The following NGEF variants were observed in gnomAD, a reference collection of about 807,000 sequenced individuals.
NGEF encodes neuronal guanine nucleotide exchange factor, also known as ephexin-1.
NGEF carries 31 observed loss-of-function variants against 80.9 expected under a neutral mutation model. The observed-to-expected ratio is 0.38, with a 90% CI of 0.29 to 0.52. The LOEUF (loss-of-function observed/expected upper bound fraction) is 0.52. NGEF is among the 20% of genes least tolerant of loss of function. The pLI is 0.84. For synonymous variants in NGEF, 371 were observed against 370.2 expected, an observed-to-expected ratio of 1.00 and a Z score of -0.03; for missense variants, 709 against 926.2, an observed-to-expected ratio of 0.77 and a Z score of 3.04.
intron 3 of NGEF, among the ~76,000 whole-genome samples, chr2:232,957,578 C>T (rs1368944941): frequency 6.6e-6 from 1 of 152,228 alleles, no homozygotes; most frequent in Non-Finnish European, 1.5e-5. Flanking sequence ...CCGCCTCGGT[C>T]TCCCAAAGTG....
At chr2:232,882,294 A>G (rs780660743) in intron 12 of NGEF, 29 bp from the exon 13 acceptor site, 17 of 1,597,996 alleles carry the variant, frequency 1.1e-5, no homozygotes, top group Non-Finnish European at 1.3e-5. Context: ...CAGTGCCCCA[A>G]CTGCAGATCA....
At chr2:232,959,771 G>A (rs1199423998) in intron 3 of NGEF, among the ~76,000 whole-genome samples, 1 of 152,090 alleles carries the variant, frequency 6.6e-6, no homozygotes, top group African/African-American at 2.4e-5. Flanking sequence ...TAGAGAAGGG[G>A]TTTCTCCATG....
intron 1 of NGEF, among the ~76,000 whole-genome samples, chr2:232,994,906 TACAC>T (rs1694745754): frequency 2.0e-5 from 3 of 146,882 alleles, no homozygotes; most frequent in Admixed American, 1.4e-4. Context: ...AATACATACA[TACAC>T]ATGTATTATA....
At chr2:232,978,823 T>C (rs929881949) in intron 1 of NGEF, among the ~76,000 whole-genome samples, 8 of 152,192 alleles carry the variant, frequency 5.3e-5, no homozygotes, top group Non-Finnish European at 1.0e-4. Context: ...CTCGACCTCA[T>C]GGGCTCAAGC....
chr2:232,978,851 C>T (rs891033945), intron 1 of NGEF, among the ~76,000 whole-genome samples: 1 of 152,166 alleles, frequency 6.6e-6, no homozygotes, highest in Non-Finnish European at 1.5e-5. Flanking sequence ...CCACCTCAGC[C>T]CCTTGAATAG....
At chr2:233,001,493 C>T (rs1056738212) in intron 1 of NGEF, among the ~76,000 whole-genome samples, 5 of 151,958 alleles carry the variant, frequency 3.3e-5, no homozygotes, top group African/African-American at 7.3e-5. Context: ...GGGATTCAGG[C>T]ATGTAGAGGG....
At chr2:232,987,256 G>T (rs1324753292) in intron 1 of NGEF, among the ~76,000 whole-genome samples, 1 of 152,116 alleles carries the variant, frequency 6.6e-6, no homozygotes, top group African/African-American at 2.4e-5. Flanking sequence ...GACCTCAAGT[G>T]ATCCACCTGC....
chr2:232,901,832 C>T (rs1304834213), intron 5 of NGEF, among the ~76,000 whole-genome samples: 1 of 152,232 alleles, frequency 6.6e-6, no homozygotes, highest in Non-Finnish European at 1.5e-5. Context: ...TTCCGGGACT[C>T]CCTTAGAGGC....
At position 232,920,337 on chromosome 2, in the gene NGEF, G is replaced by A. The variant is rs781590948; in HGVS notation, c.775C>T (p.Arg259Trp). ...AGGATCTCAAGCACCCCGCTGCTCC[G>A]GATCTCGGGAAGATCCTGCCAGAGG... ...FNLWQDLPEI[R>W]SSGVLEILQP... The change falls in exon 5 of 15, where the codon CGG becomes TGG. Residue 259 changes from arginine to tryptophan, a missense_variant. Transcript: ENST00000264051. 4.3e-6 allele frequency: 7 copies of A among 1,614,130 alleles called. No homozygotes were observed. The highest frequency in any genetic ancestry group is 1.7e-4 in the Middle Eastern group (1 of 6,058).
intron 3 of NGEF, among the ~76,000 whole-genome samples, chr2:232,948,915 GGCT>G (rs1693617262): frequency 6.6e-6 from 1 of 152,094 alleles, no homozygotes. Context: ...CTGCTCAGGA[GGCT>G]GAGGCAGGAG....
intron 1 of NGEF, among the ~76,000 whole-genome samples, chr2:233,004,048 A>C (rs1695035886): frequency 6.6e-6 from 1 of 152,194 alleles, no homozygotes; most frequent in Non-Finnish European, 1.5e-5. Context: ...AAGACAGGCC[A>C]GCAAGCCGAC....
At chr2:232,911,174 T>C (rs1444610686) in intron 5 of NGEF, among the ~76,000 whole-genome samples, 1 of 152,240 alleles carries the variant, frequency 6.6e-6, no homozygotes, top group East Asian at 1.9e-4. Flanking sequence ...ATTTTTGTTA[T>C]GAGGCATGAG....
At chr2:232,953,315 A>AAG (rs1237063371) in intron 3 of NGEF, among the ~76,000 whole-genome samples, 132 of 150,144 alleles carry the variant, frequency 8.8e-4, no homozygotes, top group African/African-American at 2.6e-3. Flanking sequence ...AAAAAAAAAA[A>AAG]AAAAAGAAAA....
At position 232,967,336 on chromosome 2, in the gene NGEF, T is replaced by C. The variant is rs148630461; in HGVS notation, c.383+2878A>G. Among the ~76,000 whole-genome samples, 378 of 152,116 alleles carry C rather than the reference T, an allele frequency of 2.5e-3. 1 individual carries two copies. The highest frequency in any genetic ancestry group is 0.01 in the Middle Eastern group (3 of 294). On this transcript the variant is annotated intron_variant, in intron 3 of 14. Transcript: ENST00000264051. ...AGCCAATCAAACTTCTTTTCTTCAT[T>C]ATTATTATTATTTTTTGAGACAGAG...
In NGEF at chr2:232,882,250, A is replaced by G. The variant is rs765786672; in HGVS notation, c.1773T>C (p.Arg591=). ...TGTTGGGGGCCAGTGAGGTCATCCAACGCTTCATCTCACTCCTGGCACAGG... is the reference window on the plus strand; with the variant it reads ...TGTTGGGGGCCAGTGAGGTCATCCAGCGCTTCATCTCACTCCTGGCACAGG... The part of the protein sequence containing the change: ...LKASSQSEMK[R]WMTSLAPNRR... Residue 591 remains arginine (R), a synonymous_variant, in exon 13 of 15, where the codon CGT becomes CGC. Coordinates refer to ENST00000264051, the MANE Select transcript of NGEF (RefSeq NM_019850.3). 4.3e-6 allele frequency: 7 copies of G among 1,613,570 alleles called. No individual in the cohort carries two copies. The highest frequency in any genetic ancestry group is 3.3e-4 in the Middle Eastern group (2 of 6,082).
chr2:232,928,035 G>C, intron 3 of NGEF: 1 of 1,186,720 alleles, frequency 8.4e-7, no homozygotes, highest in South Asian at 4.1e-5. Flanking sequence ...GGGCCGGGTC[G>C]GGGGCCACGC....
intron 6 of NGEF, among the ~76,000 whole-genome samples, chr2:232,893,600 CCTGT>C (rs777798881): frequency 1.1e-4 from 17 of 152,184 alleles, no homozygotes; most frequent in Middle Eastern, 3.4e-3. Flanking sequence ...ATGGTGAAAC[CCTGT>C]CTCTACTAAA....
chr2:233,012,314 A>T (rs994713202), intron 1 of NGEF, among the ~76,000 whole-genome samples: 2 of 152,222 alleles, frequency 1.3e-5, no homozygotes, highest in Non-Finnish European at 2.9e-5. Flanking sequence ...AAGATAGACA[A>T]TAAGAACCTA....
chr2:232,973,155 T>C (rs928797918), intron 2 of NGEF, among the ~76,000 whole-genome samples: 1 of 152,144 alleles, frequency 6.6e-6, no homozygotes. Flanking sequence ...CCTTTATCTC[T>C]CCTGTAAACT....
Sources: allele counts gnomAD v4.1 joint callset (sites outside exome capture counted in the v4.1 genomes callset), GRCh38; gene constraint gnomAD v4.1.1; transcripts MANE v1.5; gene names NCBI Gene and HGNC (gene_info 2026-07-23, HGNC 2026-07-21).